ANGPT1: variants seen among roughly 807,000 people sequenced by gnomAD.
The protein encoded by ANGPT1 is angiopoietin-1.
ANGPT1 carries 17 observed loss-of-function variants against 62.2 expected under a neutral mutation model. The observed-to-expected ratio is 0.27, with a 90% CI of 0.19 to 0.41. The LOEUF (loss-of-function observed/expected upper bound fraction) is 0.41. ANGPT1 is among the 10% of genes least tolerant of loss of function. The pLI, the probability that ANGPT1 is intolerant of heterozygous loss-of-function variation, is 1.00. For missense variants in ANGPT1, 478 were observed against 594.9 expected (o/e 0.80, Z 2.04); for synonymous variants, 199 against 198.9 (o/e 1.00, Z 0.00).
intron 1 of ANGPT1, among the ~76,000 whole-genome samples, chr8:107,375,755 G>A (rs1816518778): frequency 6.6e-6 from 1 of 152,126 alleles, no homozygotes; most frequent in African/African-American, 2.4e-5. Flanking sequence ...AACAAGACTT[G>A]GACCTCACTG....
chr8:107,425,208 T>C (rs1443238414), intron 1 of ANGPT1, among the ~76,000 whole-genome samples: 1 of 152,200 alleles, frequency 6.6e-6, no homozygotes, highest in African/African-American at 2.4e-5. Context: ...TTTCTATGCA[T>C]TGGAAAAATC....
chr8:107,408,907 A>G (rs903694928), intron 1 of ANGPT1, among the ~76,000 whole-genome samples: 1 of 152,214 alleles, frequency 6.6e-6, no homozygotes, highest in Non-Finnish European at 1.5e-5. Context: ...AGGACATGAG[A>G]CACTATCACT....
intron 7 of ANGPT1, among the ~76,000 whole-genome samples, chr8:107,278,300 T>C (rs1479305454): frequency 6.6e-6 from 1 of 152,134 alleles, no homozygotes; most frequent in East Asian, 1.9e-4. Flanking sequence ...CCCAGGCTGA[T>C]GTCAAACTCC....
intron 1 of ANGPT1, among the ~76,000 whole-genome samples, chr8:107,368,055 A>C (rs887876608): frequency 5.3e-5 from 8 of 152,134 alleles, no homozygotes; most frequent in African/African-American, 1.9e-4. Context: ...TTTTCAATTT[A>C]CTTTGCCCAG....
chr8:107,410,690 A>G (rs961470728), intron 1 of ANGPT1, among the ~76,000 whole-genome samples: 6 of 152,188 alleles, frequency 3.9e-5, no homozygotes, highest in Admixed American at 3.9e-4. Flanking sequence ...TGACTAAAAT[A>G]CCAGAACATG....
At chr8:107,347,669 A>C (rs912230276) in intron 1 of ANGPT1, among the ~76,000 whole-genome samples, 3 of 152,200 alleles carry the variant, frequency 2.0e-5, no homozygotes, top group African/African-American at 7.2e-5. Context: ...GATGTCCAAA[A>C]CAAAAACCTT....
chr8:107,269,854 T>C (rs1813698869), intron 7 of ANGPT1, among the ~76,000 whole-genome samples: 1 of 152,048 alleles, frequency 6.6e-6, no homozygotes, highest in African/African-American at 2.4e-5. Flanking sequence ...CGGATGACTA[T>C]AAAGAATGTC....
chr8:107,333,320 A>AC (rs1441456213), intron 3 of ANGPT1, among the ~76,000 whole-genome samples: 1 of 152,074 alleles, frequency 6.6e-6, no homozygotes, highest in African/African-American at 2.4e-5. Flanking sequence ...ATAGAAAAAT[A>AC]CCCCAGAACC....
At chr8:107,391,319 T>C (rs1816831125) in intron 1 of ANGPT1, among the ~76,000 whole-genome samples, 1 of 152,214 alleles carries the variant, frequency 6.6e-6, no homozygotes, top group Non-Finnish European at 1.5e-5. Flanking sequence ...CTTAGTCTTT[T>C]TATTTTCCCA....
At chr8:107,355,062 T>C (rs1816013513) in intron 1 of ANGPT1, among the ~76,000 whole-genome samples, 1 of 133,354 alleles carries the variant, frequency 7.5e-6, no homozygotes, top group South Asian at 2.5e-4. Flanking sequence ...CCACCACGCC[T>C]AGCTAATTTT....
chr8:107,474,167 A>T (rs1325187946), intron 1 of ANGPT1, among the ~76,000 whole-genome samples: 1 of 151,720 alleles, frequency 6.6e-6, no homozygotes, highest in Non-Finnish European at 1.5e-5. Flanking sequence ...TCCCTGAAGA[A>T]CATTGATGCA....
At chr8:107,266,419 T>C (rs941930909) in intron 7 of ANGPT1, among the ~76,000 whole-genome samples, 4 of 152,242 alleles carry the variant, frequency 2.6e-5, no homozygotes, top group African/African-American at 9.6e-5. Context: ...CCCAGTCTCA[T>C]GGTCTTCTTA....
intron 1 of ANGPT1, among the ~76,000 whole-genome samples, chr8:107,455,381 T>C (rs1811893450): frequency 6.6e-6 from 1 of 152,112 alleles, no homozygotes; most frequent in African/African-American, 2.4e-5. Flanking sequence ...ACTTAAACTC[T>C]GTACATCAAG....
At chr8:107,409,346 T>C (rs1433192) in intron 1 of ANGPT1, among the ~76,000 whole-genome samples, 47,112 of 152,024 alleles carry the variant, frequency 0.31, 8,386 homozygotes, top group East Asian at 0.58. Flanking sequence ...ACTTTCTTAC[T>C]GCAGCTTGTC....
chr8:107,287,205 C>T (rs753776506), intron 6 of ANGPT1, among the ~76,000 whole-genome samples: 12 of 152,192 alleles, frequency 7.9e-5, no homozygotes, highest in Middle Eastern at 6.8e-3. Context: ...CTGTTGAAAG[C>T]GCTGTGTGGA....
At chr8:107,292,548 T>C (rs755424285) in intron 6 of ANGPT1, among the ~76,000 whole-genome samples, 1 of 152,200 alleles carries the variant, frequency 6.6e-6, no homozygotes. Flanking sequence ...AGGTGAAATA[T>C]TCTACAATCA....
At chr8:107,348,461 A>G (rs1177059602) in intron 1 of ANGPT1, among the ~76,000 whole-genome samples, 1 of 152,218 alleles carries the variant, frequency 6.6e-6, no homozygotes, top group Non-Finnish European at 1.5e-5. Context: ...ATTATTATTA[A>G]TACATTCTAA....
At chr8:107,416,932 T>C (rs939106557) in intron 1 of ANGPT1, among the ~76,000 whole-genome samples, 2 of 151,686 alleles carry the variant, frequency 1.3e-5, no homozygotes, top group East Asian at 3.9e-4. Flanking sequence ...GCTAGGACTA[T>C]AGGTATGCGC....
At chr8:107,295,305 T>G (rs975450110) in intron 5 of ANGPT1, 1 of 152,178 alleles carries the variant, frequency 6.6e-6, no homozygotes, top group Admixed American at 6.6e-5. Flanking sequence ...ATTTGAAATG[T>G]TGATTCCTGT....
Sources: gnomAD v4.1 joint callset for allele counts (sites outside exome capture counted in the v4.1 genomes callset) on GRCh38, gnomAD v4.1.1 for gene constraint, MANE v1.5 for transcripts, NCBI Gene and HGNC (gene_info 2026-07-23, HGNC 2026-07-21) for gene names.